Variants in RUNX1 observed in about 807,000 individuals in gnomAD.
RUNX1 encodes runt-related transcription factor 1.
A neutral mutation model predicts 42.8 loss-of-function variants in RUNX1; 19 were observed. The ratio of observed to expected loss-of-function variants is 0.44; its 90% CI spans 0.31 to 0.65. RUNX1 has a LOEUF of 0.65. Among genes scored for constraint, RUNX1 ranks in the 30% least tolerant of loss-of-function variants. The pLI is 0.07. For synonymous variants in RUNX1, 271 were observed against 289.4 expected, an observed-to-expected ratio of 0.94 and a Z score of 0.64; for missense variants, 528 against 672.0, an observed-to-expected ratio of 0.79 and a Z score of 2.37.
At chr21:35,020,838 T>C (rs1386803913) in intron 2 of RUNX1, among the ~76,000 whole-genome samples, 2 of 152,234 alleles carry the variant, frequency 1.3e-5, no homozygotes, top group Admixed American at 6.5e-5. Context: ...AAAATGTATT[T>C]ACAACCTTTA....
At chr21:34,852,705 C>T (rs1337344353) in intron 6 of RUNX1, among the ~76,000 whole-genome samples, 6 of 152,158 alleles carry the variant, frequency 3.9e-5, no homozygotes, top group African/African-American at 1.4e-4. Flanking sequence ...TGCCTTGCTC[C>T]TGCTTTAGGT....
chr21:34,831,225 A>G (rs1174896793), intron 7 of RUNX1, among the ~76,000 whole-genome samples: 1 of 152,002 alleles, frequency 6.6e-6, no homozygotes, highest in Non-Finnish European at 1.5e-5. Context: ...TTTCTATTCT[A>G]TTTCATGACA....
intron 6 of RUNX1, among the ~76,000 whole-genome samples, chr21:34,836,879 T>C (rs2057154650): frequency 1.3e-5 from 2 of 152,342 alleles, no homozygotes; most frequent in South Asian, 2.1e-4. Context: ...TTGGCAGTTG[T>C]GTCTCTCTTA....
chr21:34,912,208 C>T (rs545690954), intron 2 of RUNX1, among the ~76,000 whole-genome samples: 109 of 148,478 alleles, frequency 7.3e-4, no homozygotes, highest in African/African-American at 2.6e-3. Context: ...CTCCAGCCTA[C>T]GTACCCTGAG....
At chr21:34,815,225 T>C (rs1479164342) in intron 7 of RUNX1, among the ~76,000 whole-genome samples, 1 of 152,202 alleles carries the variant, frequency 6.6e-6, no homozygotes, top group Non-Finnish European at 1.5e-5. Context: ...GACCATGGTC[T>C]CCCCTCTGCT....
chr21:34,871,770 A>AG (rs1479126845), intron 5 of RUNX1, among the ~76,000 whole-genome samples: 1 of 151,504 alleles, frequency 6.6e-6, no homozygotes, highest in East Asian at 1.9e-4. Flanking sequence ...ATTTTTATTT[A>AG]GGGTATGCAG....
intron 8 of RUNX1, among the ~76,000 whole-genome samples, chr21:34,794,242 G>A (rs1235288452): frequency 6.6e-6 from 1 of 152,074 alleles, no homozygotes; most frequent in East Asian, 1.9e-4. Context: ...TAGGTTGAAT[G>A]ATAGAAAATT....
At chr21:34,898,198 T>C (rs2058145352) in intron 2 of RUNX1, among the ~76,000 whole-genome samples, 1 of 152,178 alleles carries the variant, frequency 6.6e-6, no homozygotes, top group South Asian at 2.1e-4. Flanking sequence ...CCCTAAAGCC[T>C]TCAAGTAAGG....
At chr21:34,909,028 T>C (rs79028847) in intron 2 of RUNX1, among the ~76,000 whole-genome samples, 1 of 152,210 alleles carries the variant, frequency 6.6e-6, no homozygotes, top group African/African-American at 2.4e-5. Context: ...GATTATCCTA[T>C]ACCAATAATT....
chr21:34,941,909 T>A (rs1050043475), intron 2 of RUNX1, among the ~76,000 whole-genome samples: 1 of 151,906 alleles, frequency 6.6e-6, no homozygotes, highest in East Asian at 1.9e-4. Context: ...GCTTACTTCA[T>A]CTCAGTAATG....
chr21:35,019,446 T>A (rs192753975), intron 2 of RUNX1, among the ~76,000 whole-genome samples: 18 of 152,330 alleles, frequency 1.2e-4, no homozygotes, highest in Non-Finnish European at 5.9e-5. Flanking sequence ...CAAAGATACA[T>A]AGCTTTCTTT....
chr21:34,896,902 G>A (rs1210570581), intron 2 of RUNX1, among the ~76,000 whole-genome samples: 4 of 152,140 alleles, frequency 2.6e-5, no homozygotes, highest in Non-Finnish European at 5.9e-5. Context: ...ATGTAGGGAA[G>A]GAGAGAATGA....
In RUNX1 at chr21:35,009,673, G is replaced by C. The variant is rs573745381; in HGVS notation, c.58+39169C>G. ...TATGCACTGTGACCTGGACTGGTCA[G>C]AGTTGGCCCTGCTCATTCCTCTTGC... On this transcript the variant is annotated intron_variant, in intron 2 of 8. Coordinates refer to ENST00000675419, the MANE Select transcript of RUNX1 (RefSeq NM_001754.5). Among the ~76,000 whole-genome samples the C allele has an allele frequency of 4.3e-4, 66 of 152,332 alleles. 1 individual carries two copies. The highest frequency in any genetic ancestry group is 3.7e-3 in the Admixed American group (57 of 15,308).
At chr21:35,023,569 T>C (rs1040465473) in intron 2 of RUNX1, among the ~76,000 whole-genome samples, 6 of 152,190 alleles carry the variant, frequency 3.9e-5, no homozygotes, top group African/African-American at 1.4e-4. Flanking sequence ...CAAGTTGACC[T>C]GCGGGGCTAG....
intron 7 of RUNX1, among the ~76,000 whole-genome samples, chr21:34,824,615 G>T (rs554986382): frequency 6.6e-6 from 1 of 152,186 alleles, no homozygotes; most frequent in Non-Finnish European, 1.5e-5. Flanking sequence ...TGAGGCTAAG[G>T]CTTGGAAGGA....
chr21:34,838,732 A>C (rs2057186549), intron 6 of RUNX1, among the ~76,000 whole-genome samples: 1 of 152,148 alleles, frequency 6.6e-6, no homozygotes, highest in African/African-American at 2.4e-5. Flanking sequence ...ATCACAGTCT[A>C]ACCTTTAGGT....
rs895366038 is a variant in RUNX1 at position 34,790,843 on chromosome 21, A to G, written c.*1292T>C. On this transcript the variant is annotated 3_prime_UTR_variant, in exon 9 of 9. Coordinates refer to ENST00000675419, the MANE Select transcript of RUNX1 (RefSeq NM_001754.5). ...CCCTAAATTCATTGATTTGGTTCCT[A>G]TGTAAATGTGGCTCCCCTACACAGT... The G allele has an allele frequency of 8.6e-6, 2 of 233,162 alleles. No individual in the cohort carries two copies. The highest frequency in any genetic ancestry group is 1.7e-5 in the Non-Finnish European group (2 of 118,052). The allele number at this position is 233,162 out of a possible 1,614,324, so 14.4% of individuals were successfully genotyped here.
rs969418342 is a variant in RUNX1 at position 34,993,623 on chromosome 21, A to G, written c.58+55219T>C. 3.3e-4 allele frequency among the ~76,000 whole-genome samples: 35 copies of G among 105,060 alleles called. 1 individual carries two copies. Among genetic ancestry groups the G allele is most frequent in the Admixed American group, 7.9e-4 (7 of 8,866 alleles). The allele number at this position is 105,060 out of a possible 152,430, so 68.9% of individuals were successfully genotyped here. ...CAGGCACACACAGGCACACACACAGACACACACACAGACACACACAGGCAC... is the reference window on the plus strand; with the variant it reads ...CAGGCACACACAGGCACACACACAGGCACACACACAGACACACACAGGCAC... On this transcript the variant is annotated intron_variant, in intron 2 of 8. Transcript: ENST00000675419.
At chr21:34,798,123 A>C (rs751315642) in intron 8 of RUNX1, 20 of 456,510 alleles carry the variant, frequency 4.4e-5, no homozygotes, top group African/African-American at 3.8e-4. Context: ...CAACATTTAA[A>C]ATGGCAGACA....
Sources: allele counts gnomAD v4.1 joint callset (sites outside exome capture counted in the v4.1 genomes callset), GRCh38; gene constraint gnomAD v4.1.1; transcripts MANE v1.5; gene names NCBI Gene and HGNC (gene_info 2026-07-23, HGNC 2026-07-21).